Variants in RGS20 observed in about 807,000 individuals in gnomAD.
The protein encoded by RGS20 is regulator of G protein signaling 20.
RGS20 carries 30 observed loss-of-function variants against 33.6 expected under a neutral mutation model. That is an observed-to-expected ratio of 0.89 (90% CI 0.67 to 1.21). The LOEUF (loss-of-function observed/expected upper bound fraction) is 1.21. RGS20 is among the 50% of genes most tolerant of loss of function. RGS20 has a pLI of 0.00. For missense variants in RGS20, 472 were observed against 502.4 expected (o/e 0.94, Z 0.58); for synonymous variants, 208 against 197.9 (o/e 1.05, Z -0.43).
At chr8:53,914,896 G>A (rs1389649933) in intron 2 of RGS20, 1 of 152,180 alleles carries the variant, frequency 6.6e-6, no homozygotes, top group African/African-American at 2.4e-5. Flanking sequence ...TGTAATCCCA[G>A]CACTTCTGGG....
At chr8:53,926,423 T>C (rs1813797243) in intron 2 of RGS20, among the ~76,000 whole-genome samples, 1 of 152,208 alleles carries the variant, frequency 6.6e-6, no homozygotes, top group South Asian at 2.1e-4. Flanking sequence ...TATGATTCTA[T>C]ATCTTTCTGG....
At chr8:53,954,334 T>G in intron 5 of RGS20, 24 bp downstream of exon 4, 2 of 1,468,274 alleles carry the variant, frequency 1.4e-6, no homozygotes, top group Non-Finnish European at 1.9e-6. Context: ...AGATGCCTTT[T>G]CCCAAGGCTG....
chr8:53,853,319 G>A (rs1242521319), intron 1 of RGS20, among the ~76,000 whole-genome samples: 1 of 152,116 alleles, frequency 6.6e-6, no homozygotes, highest in East Asian at 1.9e-4. Context: ...ATCTTGAGAA[G>A]GTATGCTCTA....
Position 53,959,227 on chromosome 8 carries a change from A to C in RGS20, c.*769A>C, listed in dbSNP as rs2129295628. 6.6e-6 allele frequency: 1 copy of C among 152,292 alleles called. No homozygotes were observed. The highest frequency in any genetic ancestry group is 1.5e-5 in the Non-Finnish European group (1 of 68,020). 9.4% of individuals were successfully genotyped at this position (152,292 alleles called of 1,614,324 possible). ...CACAACAAAACTGTCAAATAAGCAT[A>C]TTTCCATTTTTATTACTGAAAGAAA... On this transcript the variant is annotated 3_prime_UTR_variant, in exon 6 of 6. Transcript: ENST00000297313.
chr8:53,877,682 C>G lies in RGS20; in HGVS notation c.166-1576C>G, dbSNP rs952699856. 2.6e-5 allele frequency among the ~76,000 whole-genome samples: 4 copies of G among 152,188 alleles called. No homozygotes were observed. The highest frequency in any genetic ancestry group is 4.8e-5 in the African/African-American group (2 of 41,436). ...CAGCTGAACGAGGAGAATGAAAATA[C>G]TGGGAGAACGACCCCATTCTCCAGG... On this transcript the variant is annotated intron_variant, in intron 1 of 5. Transcript: ENST00000297313. This position sits in a 1 kb window ranked among gnomAD's most constrained non-coding sequence, Gnocchi z 5.7.
intron 4 of RGS20, among the ~76,000 whole-genome samples, chr8:53,953,392 G>A (rs1326016391): frequency 6.6e-6 from 1 of 151,822 alleles, no homozygotes; most frequent in East Asian, 1.9e-4. Context: ...GTGGTGGCAC[G>A]TGCCTGCAGG....
chr8:53,919,126 G>C (rs1025906682), intron 2 of RGS20, among the ~76,000 whole-genome samples: 1 of 152,058 alleles, frequency 6.6e-6, no homozygotes, highest in African/African-American at 2.4e-5. Context: ...ATTTCATTGT[G>C]GTAGAGATTT....
At chr8:53,926,556 A>G (rs1813803345) in intron 2 of RGS20, among the ~76,000 whole-genome samples, 1 of 152,194 alleles carries the variant, frequency 6.6e-6, no homozygotes, top group East Asian at 1.9e-4. Flanking sequence ...TGGGAACTAC[A>G]GTGAAAATAA....
chr8:53,896,964 A>C (rs1281752794), intron 2 of RGS20, among the ~76,000 whole-genome samples: 3 of 152,268 alleles, frequency 2.0e-5, no homozygotes, highest in Non-Finnish European at 4.4e-5. Context: ...AAAAATTCTA[A>C]TAATGGACAA....
In RGS20 at chr8:53,939,721, C is replaced by T; in HGVS notation, c.656C>T (p.Ser219Leu). The T allele has an allele frequency of 1.9e-6, 3 of 1,553,882 alleles. No homozygotes were observed. The highest frequency in any genetic ancestry group is 2.4e-5 in the East Asian group (1 of 41,570). Reference sequence around the variant, plus strand: ...TGCTGGTGCTGCTGTTGTAGCTGCTCGTGGTAAGGTTTGGGGCTTTTTAAT... The same window carrying T: ...TGCTGGTGCTGCTGTTGTAGCTGCTTGTGGTAAGGTTTGGGGCTTTTTAAT... The change falls in exon 3 of 6, where the codon TCG (serine) becomes TTG (leucine). Residue 219 changes from serine to leucine, a missense_variant. Transcript: ENST00000297313.
intron 2 of RGS20, among the ~76,000 whole-genome samples, chr8:53,899,954 A>G (rs143881200): frequency 6.6e-6 from 1 of 152,246 alleles, no homozygotes; most frequent in African/African-American, 2.4e-5. Flanking sequence ...CTGCTTGGTG[A>G]ACTGGCAGAT....
chr8:53,861,259 C>A (rs1040052794), intron 1 of RGS20, among the ~76,000 whole-genome samples: 3 of 152,304 alleles, frequency 2.0e-5, no homozygotes, highest in Admixed American at 2.0e-4. Flanking sequence ...TGTGGATAAG[C>A]CCCACAAAAC....
At chr8:53,934,481 A>G (rs1376697252) in intron 2 of RGS20, among the ~76,000 whole-genome samples, 1 of 152,234 alleles carries the variant, frequency 6.6e-6, no homozygotes, top group African/African-American at 2.4e-5. Context: ...AACAGACTTT[A>G]AACCAACAAT....
chr8:53,856,137 C>A (rs1811663887), intron 1 of RGS20, among the ~76,000 whole-genome samples: 1 of 152,170 alleles, frequency 6.6e-6, no homozygotes, highest in East Asian at 1.9e-4. Context: ...TAATTTACTA[C>A]AAAATAAACT....
intron 1 of RGS20, chr8:53,852,162 C>A: frequency 8.9e-7 from 1 of 1,124,372 alleles, no homozygotes; most frequent in East Asian, 2.5e-5. Flanking sequence ...TGCCATTGCT[C>A]ACTTATCTTA....
Position 53,938,776 on chromosome 8 carries a change from T to C in RGS20, c.511-800T>C, listed in dbSNP as rs536062562. 6.6e-5 allele frequency among the ~76,000 whole-genome samples: 10 copies of C among 152,352 alleles called. No individual in the cohort carries two copies. The South Asian group carries it at 1.7e-3, about 25-fold the overall frequency. On this transcript the variant is annotated intron_variant, in intron 2 of 5. Transcript: ENST00000297313. ...CTTAGCAATTTCTTGCTTCTCATGC[T>C]GCTTTTATATCTCTCTTCTTTCACA...
At chr8:53,867,917 G>A (rs1027687725) in intron 1 of RGS20, among the ~76,000 whole-genome samples, 2 of 152,082 alleles carry the variant, frequency 1.3e-5, no homozygotes, top group Non-Finnish European at 2.9e-5. Context: ...TAGAGCCGGG[G>A]TTTTGCCACA....
chr8:53,870,475 C>T (rs543932178), intron 1 of RGS20, among the ~76,000 whole-genome samples: 2 of 152,304 alleles, frequency 1.3e-5, no homozygotes, highest in African/African-American at 2.4e-5. Flanking sequence ...GCATCATTAT[C>T]GTATGGAATA....
At chr8:53,905,228 T>C (rs1264223352) in intron 2 of RGS20, among the ~76,000 whole-genome samples, 1 of 152,176 alleles carries the variant, frequency 6.6e-6, no homozygotes, top group Admixed American at 6.5e-5. Flanking sequence ...TTTCTTAAAA[T>C]AGACAATAAA....
Sources: allele counts gnomAD v4.1 joint callset (sites outside exome capture counted in the v4.1 genomes callset), GRCh38; gene constraint gnomAD v4.1.1; non-coding constraint Gnocchi (gnomAD v3.1); transcripts MANE v1.5; gene names NCBI Gene and HGNC (gene_info 2026-07-23, HGNC 2026-07-21).